The following NUTM2B variants were observed in gnomAD, a reference collection of about 807,000 sequenced individuals.
NUTM2B encodes NUT family member 2B.
Under a neutral mutation model 42.4 loss-of-function variants are expected in NUTM2B, and 2 were observed. The ratio of observed to expected loss-of-function variants is 0.05; its 90% CI spans 0.02 to 0.15. The LOEUF is 0.15. Among genes scored for constraint, NUTM2B ranks in the 10% least tolerant of loss-of-function variants. The probability of loss-of-function intolerance (pLI) is 1.00; values close to 1 mark genes in which losing one functional copy is unlikely to be tolerated. For missense variants in NUTM2B, 58 were observed against 952.6 expected (o/e 0.06, Z 12.36); for synonymous variants, 18 against 402.4 (o/e 0.04, Z 11.43).
At chr10:79,695,686 C>G in the NUTM2B span, among the ~76,000 whole-genome samples, 3 of 152,004 alleles carry the variant, frequency 2.0e-5, no homozygotes, top group Non-Finnish European at 1.5e-5. Flanking sequence ...CCAGAGGAAT[C>G]AGCAGGGACA....
At chr10:79,702,515 C>T (rs1353476742), upstream of NUTM2B, among the ~76,000 whole-genome samples, 5 of 151,748 alleles carry the variant, frequency 3.3e-5, no homozygotes, top group Admixed American at 1.3e-4. Context: ...GCAGTGTGGC[C>T]GCTGTTACAT....
upstream of NUTM2B, among the ~76,000 whole-genome samples, chr10:79,699,253 TC>T (rs1421292098): frequency 1.3e-5 from 2 of 151,642 alleles, no homozygotes. Context: ...AGATAATTCT[TC>T]CAAATCTGCC....
chr10:79,695,453 C>T, the NUTM2B span, among the ~76,000 whole-genome samples: 1 of 152,168 alleles, frequency 6.6e-6, no homozygotes, highest in East Asian at 1.9e-4. Context: ...ACACAGAAAC[C>T]AACACATATT....
At chr10:79,704,906 T>A (rs1287222528) in intron 1 of NUTM2B, among the ~76,000 whole-genome samples, 4 of 150,322 alleles carry the variant, frequency 2.7e-5, no homozygotes, top group Admixed American at 2.7e-4. Flanking sequence ...GGAAGGAGAG[T>A]AGCGCACGAA....
upstream of NUTM2B, among the ~76,000 whole-genome samples, chr10:79,700,436 C>T (rs1204922470): frequency 5.9e-5 from 9 of 152,052 alleles, no homozygotes; most frequent in Admixed American, 2.6e-4. Context: ...TGTTACACCT[C>T]CCCCCTCACT....
At chr10:79,699,928 C>A (rs1290489534), upstream of NUTM2B, among the ~76,000 whole-genome samples, 1 of 152,252 alleles carries the variant, frequency 6.6e-6, no homozygotes, top group African/African-American at 2.4e-5. Context: ...CAAAATAAAT[C>A]TTCCTGACAT....
At chr10:79,694,009 G>A in the NUTM2B span, among the ~76,000 whole-genome samples, 1 of 152,288 alleles carries the variant, frequency 6.6e-6, no homozygotes, top group African/African-American at 2.4e-5. Context: ...TGGCTGTGGG[G>A]TCAGCAGGTG....
chr10:79,697,751 C>A, the NUTM2B span, among the ~76,000 whole-genome samples: 4 of 133,924 alleles, frequency 3.0e-5, no homozygotes, highest in African/African-American at 1.2e-4. Context: ...AAAAAAAAAT[C>A]ACAAGGTATA....
intron 2 of NUTM2B, among the ~76,000 whole-genome samples, chr10:79,707,405 G>T (rs1173158071): frequency 7.5e-6 from 1 of 132,970 alleles, no homozygotes; most frequent in Non-Finnish European, 1.6e-5. Flanking sequence ...CACATTACAT[G>T]ACAGCAGTTA....
chr10:79,702,183 G>A (rs1840324818), upstream of NUTM2B, among the ~76,000 whole-genome samples: 1 of 151,952 alleles, frequency 6.6e-6, no homozygotes, highest in Non-Finnish European at 1.5e-5. Context: ...GCTCTCCGTT[G>A]ATCTTCTCAG....
At chr10:79,699,725 G>T (rs71475329), upstream of NUTM2B, among the ~76,000 whole-genome samples, 4,327 of 152,208 alleles carry the variant, frequency 0.028, 88 homozygotes, top group Non-Finnish European at 0.043. Flanking sequence ...TTATAGGTGT[G>T]AGCCACCGTG....
chr10:79,696,235 A>C, the NUTM2B span, among the ~76,000 whole-genome samples: 1 of 150,364 alleles, frequency 6.7e-6, no homozygotes, highest in Non-Finnish European at 1.5e-5. Context: ...TGTGATGCTT[A>C]AGTGGTGTAA....
chr10:79,705,213 CCT>C (rs1282580547), intron 1 of NUTM2B, among the ~76,000 whole-genome samples: 2 of 135,048 alleles, frequency 1.5e-5, no homozygotes, highest in African/African-American at 2.8e-5. Context: ...AGACACCTCC[CCT>C]GTTAGCTCTG....
At chr10:79,701,143 T>C (rs1045060872), upstream of NUTM2B, among the ~76,000 whole-genome samples, 5 of 152,138 alleles carry the variant, frequency 3.3e-5, no homozygotes, top group African/African-American at 1.2e-4. Flanking sequence ...TTTCAAAAAA[T>C]AGTATGCCCT....
the NUTM2B span, among the ~76,000 whole-genome samples, chr10:79,693,066 C>G: frequency 6.6e-6 from 1 of 152,176 alleles, no homozygotes; most frequent in South Asian, 2.1e-4. Flanking sequence ...TTTGTGCAGT[C>G]AAAGCCTGCC....
upstream of NUTM2B, among the ~76,000 whole-genome samples, chr10:79,701,175 G>T (rs1840307956): frequency 6.6e-6 from 1 of 152,090 alleles, no homozygotes; most frequent in African/African-American, 2.4e-5. Context: ...CAGTCTGGAG[G>T]TTCCATTAAA....
chr10:79,699,023 A>G (rs1322499330), upstream of NUTM2B, among the ~76,000 whole-genome samples: 2 of 152,108 alleles, frequency 1.3e-5, no homozygotes, highest in African/African-American at 4.8e-5. Flanking sequence ...ATAACTGCAC[A>G]CGTTCATCCT....
At chr10:79,699,890 C>A (rs1263585482), upstream of NUTM2B, among the ~76,000 whole-genome samples, 1 of 152,148 alleles carries the variant, frequency 6.6e-6, no homozygotes, top group Non-Finnish European at 1.5e-5. Flanking sequence ...ACAAAACCAC[C>A]CGCACAAATC....
the NUTM2B span, among the ~76,000 whole-genome samples, chr10:79,696,458 T>C: frequency 2.6e-5 from 4 of 150,966 alleles, no homozygotes; most frequent in East Asian, 8.2e-4. Flanking sequence ...AACCAAACGA[T>C]GTACCTCCAG....
Sources: allele counts gnomAD v4.1 joint callset (sites outside exome capture counted in the v4.1 genomes callset), GRCh38; gene constraint gnomAD v4.1.1; transcripts MANE v1.5; gene names NCBI Gene and HGNC (gene_info 2026-07-23, HGNC 2026-07-21).